Variants in SPOCK3 observed in about 807,000 individuals in gnomAD.
SPOCK3 encodes the protein testican-3.
In SPOCK3, 30 loss-of-function variants were observed where a neutral mutation model predicts 56.6. The observed-to-expected ratio is 0.53, with a 90% CI of 0.40 to 0.72. SPOCK3 has a LOEUF of 0.72. SPOCK3 is among the 30% of genes least tolerant of loss of function. The pLI, the probability that SPOCK3 is intolerant of heterozygous loss-of-function variation, is 0.00. For missense variants in SPOCK3, 527 were observed against 530.0 expected (o/e 0.99, Z 0.06); for synonymous variants, 196 against 183.3 (o/e 1.07, Z -0.56).
At chr4:166,838,374 T>A (rs1746851744) in intron 6 of SPOCK3, among the ~76,000 whole-genome samples, 1 of 152,122 alleles carries the variant, frequency 6.6e-6, no homozygotes, top group African/African-American at 2.4e-5. Context: ...TTGTTTTGGT[T>A]TATTTACTCT....
rs561781967 is a variant in SPOCK3, at chr4:167,110,034, T to A, written c.190-47497A>T. On this transcript the variant is annotated intron_variant, in intron 2 of 10. Transcript: ENST00000357545. Reference sequence around the variant, plus strand: ...CTGATGCCTTCCTCTCTCTAGGGTATTTGCTTGGGTAAAGCATAATTCTTT... The same window carrying A: ...CTGATGCCTTCCTCTCTCTAGGGTAATTGCTTGGGTAAAGCATAATTCTTT... Among the ~76,000 whole-genome samples, 3 of 152,148 alleles carry A rather than the reference T, an allele frequency of 2.0e-5. No individual in the cohort carries two copies. The South Asian group carries it at 6.2e-4, about 32-fold the overall frequency.
intron 3 of SPOCK3, among the ~76,000 whole-genome samples, chr4:167,005,236 G>A (rs1262071615): frequency 1.3e-5 from 2 of 151,484 alleles, no homozygotes; most frequent in Admixed American, 1.3e-4. Flanking sequence ...TTGAGATGGA[G>A]TCTCACTCTG....
intron 7 of SPOCK3, among the ~76,000 whole-genome samples, chr4:166,789,629 T>C (rs1741120900): frequency 6.6e-6 from 1 of 152,144 alleles, no homozygotes; most frequent in South Asian, 2.1e-4. Context: ...GGTGATAACA[T>C]TAATATCAGA....
chr4:167,039,920 A>T (rs1017560353), intron 3 of SPOCK3, among the ~76,000 whole-genome samples: 2 of 152,098 alleles, frequency 1.3e-5, no homozygotes, highest in Non-Finnish European at 2.9e-5. Context: ...CCTTTTTATT[A>T]TCTATCTCTT....
At chr4:166,794,112 T>C (rs1308686261) in intron 6 of SPOCK3, among the ~76,000 whole-genome samples, 16 of 147,838 alleles carry the variant, frequency 1.1e-4, no homozygotes, top group Admixed American at 5.6e-4. Context: ...TTCATTGCCA[T>C]CCTTTCATCC....
chr4:166,813,042 T>G (rs574874960), intron 6 of SPOCK3, among the ~76,000 whole-genome samples: 1 of 152,232 alleles, frequency 6.6e-6, no homozygotes, highest in South Asian at 2.1e-4. Context: ...ACTATAGTTA[T>G]CATATCAGGG....
At chr4:167,049,855 C>T (rs1754038862) in intron 3 of SPOCK3, among the ~76,000 whole-genome samples, 1 of 152,098 alleles carries the variant, frequency 6.6e-6, no homozygotes, top group South Asian at 2.1e-4. Context: ...TTCACCTGTG[C>T]CATTCCCACC....
intron 4 of SPOCK3, among the ~76,000 whole-genome samples, chr4:166,992,857 C>T (rs1336514675): frequency 6.6e-6 from 1 of 152,056 alleles, no homozygotes; most frequent in African/African-American, 2.4e-5. Context: ...CTATAGGGGA[C>T]ATTAATGAAG....
At chr4:167,123,298 T>C (rs1762010556) in intron 2 of SPOCK3, among the ~76,000 whole-genome samples, 1 of 152,202 alleles carries the variant, frequency 6.6e-6, no homozygotes, top group African/African-American at 2.4e-5. Context: ...GCAGTAGCTA[T>C]ATATCATTAG....
intron 2 of SPOCK3, among the ~76,000 whole-genome samples, chr4:167,078,682 T>C (rs1325493436): frequency 6.6e-6 from 1 of 151,782 alleles, no homozygotes; most frequent in African/African-American, 2.4e-5. Context: ...GGTATCATCC[T>C]TTACCTCAAT....
intron 2 of SPOCK3, among the ~76,000 whole-genome samples, chr4:167,161,554 G>A (rs1261086933): frequency 6.6e-6 from 1 of 152,118 alleles, no homozygotes. Context: ...ATACCCAAAG[G>A]ATTATAAACC....
intron 2 of SPOCK3, among the ~76,000 whole-genome samples, chr4:167,132,506 T>C (rs1762784123): frequency 6.6e-6 from 1 of 152,244 alleles, no homozygotes; most frequent in Non-Finnish European, 1.5e-5. Context: ...TTTATTTTAA[T>C]CTCCTTTAAA....
At position 166,860,802 on chromosome 4, in the gene SPOCK3, C is replaced by CATATATATAT; in HGVS notation, c.589+28318_589+28327dup. ...ACACGTGTACATGCACACACAAATTCATATATATATATATGTATATATATA... is the reference window on the plus strand; with the variant it reads ...ACACGTGTACATGCACACACAAATTCATATATATATATATATATATATATGTATATATATA... On this transcript the variant is annotated intron_variant, in intron 6 of 10. Transcript: ENST00000357545. Among the ~76,000 whole-genome samples, 127 of 101,926 alleles carry CATATATATAT rather than the reference C, an allele frequency of 1.2e-3. 2 individuals carry two copies. The highest frequency in any genetic ancestry group is 3.6e-3 in the Admixed American group (36 of 10,136). 66.9% of individuals were successfully genotyped at this position (101,926 alleles called of 152,430 possible).
intron 3 of SPOCK3, among the ~76,000 whole-genome samples, chr4:167,025,119 T>A (rs545903814): frequency 3.9e-4 from 60 of 151,980 alleles, no homozygotes; most frequent in South Asian, 2.9e-3. Context: ...TCTGAAAATA[T>A]CTTCGTCCTT....
intron 4 of SPOCK3, among the ~76,000 whole-genome samples, chr4:166,962,539 G>T (rs1744252824): frequency 6.6e-6 from 1 of 152,094 alleles, no homozygotes; most frequent in Admixed American, 6.6e-5. Flanking sequence ...CATTTGCAAT[G>T]AAATATTTTA....
chr4:166,748,036 A>G (rs1422800158), intron 8 of SPOCK3, among the ~76,000 whole-genome samples: 1 of 152,214 alleles, frequency 6.6e-6, no homozygotes, highest in African/African-American at 2.4e-5. Context: ...GGAAGAATCA[A>G]TACCATGAAA....
intron 8 of SPOCK3, among the ~76,000 whole-genome samples, chr4:166,745,504 G>A (rs1007330158): frequency 2.6e-5 from 4 of 152,130 alleles, no homozygotes; most frequent in Admixed American, 2.6e-4. Flanking sequence ...AACATGGAAA[G>A]GAACAACCAG....
chr4:166,745,303 T>A (rs1735451058), intron 8 of SPOCK3, among the ~76,000 whole-genome samples: 1 of 152,172 alleles, frequency 6.6e-6, no homozygotes, highest in Admixed American at 6.5e-5. Context: ...GCAGAAACTC[T>A]ATGAGCCAGA....
At chr4:167,204,316 C>T (rs1733816326) in intron 2 of SPOCK3, among the ~76,000 whole-genome samples, 1 of 152,068 alleles carries the variant, frequency 6.6e-6, no homozygotes, top group Non-Finnish European at 1.5e-5. Flanking sequence ...TGTTCTCACA[C>T]TGCTACGAAG....
Sources: gnomAD v4.1 joint callset for allele counts (sites outside exome capture counted in the v4.1 genomes callset) on GRCh38, gnomAD v4.1.1 for gene constraint, MANE v1.5 for transcripts, NCBI Gene and HGNC (gene_info 2026-07-23, HGNC 2026-07-21) for gene names.